Variants in DENND1A observed in about 807,000 individuals in gnomAD.
The protein encoded by DENND1A is DENN domain-containing protein 1A.
In DENND1A, 51 loss-of-function variants were observed where a neutral mutation model predicts 113.7. That is an observed-to-expected ratio of 0.45 (90% confidence interval 0.36 to 0.57). DENND1A has a LOEUF of 0.57. DENND1A is among the 20% of genes least tolerant of loss of function. The probability of loss-of-function intolerance (pLI) is 0.00; values close to 1 mark genes in which losing one functional copy is unlikely to be tolerated. For synonymous variants in DENND1A, 565 were observed against 570.8 expected (o/e 0.99, Z 0.14); for missense variants, 1,258 against 1,395.9 (o/e 0.90, Z 1.57).
intron 13 of DENND1A, among the ~76,000 whole-genome samples, chr9:123,474,565 G>A (rs180844725): frequency 6.8e-4 from 103 of 152,306 alleles, no homozygotes; most frequent in African/African-American, 2.4e-3. Flanking sequence ...CACATGTATG[G>A]CAAATGTCTC....
chr9:123,704,049 A>G (rs2066033862), intron 5 of DENND1A, among the ~76,000 whole-genome samples: 1 of 152,072 alleles, frequency 6.6e-6, no homozygotes, highest in South Asian at 2.1e-4. Context: ...AACCCTCCCA[A>G]CTGATACAAT....
intron 2 of DENND1A, among the ~76,000 whole-genome samples, chr9:123,793,426 C>T (rs1000690812): frequency 1.5e-4 from 23 of 152,094 alleles, no homozygotes; most frequent in African/African-American, 2.7e-4. Flanking sequence ...CATTTACTAT[C>T]GATTAGGAAA....
intron 11 of DENND1A, among the ~76,000 whole-genome samples, chr9:123,586,688 G>C (rs1564769405): frequency 1.3e-5 from 2 of 152,300 alleles, no homozygotes; most frequent in African/African-American, 4.8e-5. Flanking sequence ...CAGCTCGCTG[G>C]ACAGTGCCCG....
intron 13 of DENND1A, among the ~76,000 whole-genome samples, chr9:123,500,795 C>G (rs1401356850): frequency 6.6e-6 from 1 of 152,218 alleles, no homozygotes; most frequent in Non-Finnish European, 1.5e-5. Context: ...GAACCATACT[C>G]AAATCTGGGT....
At chr9:123,392,625 A>T (rs1200278332) in intron 21 of DENND1A, among the ~76,000 whole-genome samples, 3 of 152,138 alleles carry the variant, frequency 2.0e-5, no homozygotes, top group African/African-American at 7.2e-5. Flanking sequence ...GCTACCTTGG[A>T]AAAGTCACTT....
intron 13 of DENND1A, among the ~76,000 whole-genome samples, chr9:123,553,964 G>A (rs2057278797): frequency 1.3e-5 from 2 of 152,164 alleles, no homozygotes; most frequent in South Asian, 4.1e-4. Flanking sequence ...CACCACGTTG[G>A]CCAGGATGGT....
At chr9:123,440,578 C>A in intron 18 of DENND1A, 87 bp from the exon 19 acceptor site, 2 of 1,435,064 alleles carry the variant, frequency 1.4e-6, no homozygotes, top group Non-Finnish European at 1.8e-6. Context: ...GCCTGCCAGG[C>A]GACTCTCTCC....
chr9:123,639,989 T>G (rs1400356757), intron 9 of DENND1A, among the ~76,000 whole-genome samples: 1 of 152,066 alleles, frequency 6.6e-6, no homozygotes, highest in Non-Finnish European at 1.5e-5. Context: ...CTGTATAAGG[T>G]CACAGCTATT....
intron 13 of DENND1A, among the ~76,000 whole-genome samples, chr9:123,484,992 C>T (rs138281339): frequency 1.4e-4 from 21 of 152,272 alleles, no homozygotes; most frequent in Middle Eastern, 6.8e-3. Context: ...GGGCTACAGG[C>T]GACCTGATGT....
rs538012366 is a variant in DENND1A, at chr9:123,831,120, G to A, written c.89-38490C>T. Among the ~76,000 whole-genome samples the A allele has an allele frequency of 1.1e-3, 174 of 152,158 alleles. 3 individuals are homozygous for A. The highest frequency in any genetic ancestry group is 7.6e-3 in the Admixed American group (116 of 15,286). The stretch of plus-strand genomic sequence containing the variant: ...GCTTAGCAAATGTGCTGGATACTAC[G>A]TCAGGTTTCAAAATTTAACTGTATT... On this transcript the variant is annotated intron_variant, in intron 2 of 23. Coordinates refer to ENST00000394215, the MANE Select transcript of DENND1A (RefSeq NM_001352964.2).
intron 1 of DENND1A, among the ~76,000 whole-genome samples, chr9:123,923,416 C>A (rs1310668660): frequency 6.6e-6 from 1 of 152,172 alleles, no homozygotes; most frequent in Non-Finnish European, 1.5e-5. Context: ...GAGGACAGCA[C>A]TGTGGCGGAG....
intron 21 of DENND1A, among the ~76,000 whole-genome samples, chr9:123,388,182 C>G (rs1163483165): frequency 6.6e-6 from 1 of 152,206 alleles, no homozygotes; most frequent in Non-Finnish European, 1.5e-5. Context: ...ATGGAACAAC[C>G]TACACTGTCA....
At chr9:123,495,846 ATTGTTCC>A in intron 13 of DENND1A, among the ~76,000 whole-genome samples, 1 of 152,374 alleles carries the variant, frequency 6.6e-6, no homozygotes, top group East Asian at 1.9e-4. Context: ...TAAGGGCACC[ATTGTTCC>A]TTAGCGGTAT....
At chr9:123,797,985 G>A (rs1290689714) in intron 2 of DENND1A, among the ~76,000 whole-genome samples, 1 of 151,890 alleles carries the variant, frequency 6.6e-6, no homozygotes, top group African/African-American at 2.4e-5. Context: ...CATTTATTTG[G>A]ATTCCACGTA....
intron 15 of DENND1A, among the ~76,000 whole-genome samples, chr9:123,455,332 C>T (rs766816310): frequency 3.3e-5 from 5 of 152,210 alleles, no homozygotes; most frequent in African/African-American, 1.2e-4. Context: ...CCTCCAGTCG[C>T]GCCTCACGGC....
intron 10 of DENND1A, among the ~76,000 whole-genome samples, chr9:123,626,472 T>C (rs1564840266): frequency 1.3e-5 from 2 of 152,000 alleles, no homozygotes. Context: ...TCTCACTCTC[T>C]CTCTCCCTTC....
At chr9:123,408,228 C>A (rs1339559423) in intron 20 of DENND1A, among the ~76,000 whole-genome samples, 2 of 152,174 alleles carry the variant, frequency 1.3e-5, no homozygotes, top group Admixed American at 1.3e-4. Flanking sequence ...CTGTTCTCTT[C>A]GAGGCCCTTG....
At position 123,411,793 on chromosome 9, in the gene DENND1A, T is replaced by C. The variant is rs1163312162; in HGVS notation, c.1525A>G (p.Ile509Val). The part of the protein sequence containing the change: ...RLRPTRPPPK[I>V]QRSRPVRPPR... ...CTACTCACGGGCCTCGAGCGCTGTA[T>C]CTTGGGAGGCGGTCGGGTGGGACGC... Residue 509 changes from isoleucine (I) to valine (V), a missense_variant, in exon 20 of 24, where the codon ATA becomes GTA. Physicochemically the swap from Ile to Val is conservative, Grantham distance 29. Around this residue, in one of 2 missense-constraint regions of DENND1A, gnomAD observed 1,159 missense variants for 1,231.7 expected, o/e 0.94. Coordinates refer to ENST00000394215, the MANE Select transcript of DENND1A (RefSeq NM_001352964.2). 4 of 985,748 alleles carry C rather than the reference T, an allele frequency of 4.1e-6. No homozygotes were observed. 61.1% of individuals were successfully genotyped at this position (985,748 alleles called of 1,614,324 possible).
chr9:123,527,649 G>A (rs953522221), intron 13 of DENND1A, among the ~76,000 whole-genome samples: 3 of 152,084 alleles, frequency 2.0e-5, no homozygotes, highest in Non-Finnish European at 4.4e-5. Context: ...CCCATCTGGA[G>A]GACTCATTAA....
Sources: allele counts gnomAD v4.1 joint callset (sites outside exome capture counted in the v4.1 genomes callset), GRCh38; gene constraint gnomAD v4.1.1; regional missense constraint gnomAD v4.1.1; transcripts MANE v1.5; gene names NCBI Gene and HGNC (gene_info 2026-07-23, HGNC 2026-07-21).